Variants in PLXNA4 observed in about 807,000 individuals in gnomAD.
The protein encoded by PLXNA4 is plexin-A4.
In PLXNA4, 44 loss-of-function variants were observed where a neutral mutation model predicts 191.8. The ratio of observed to expected loss-of-function variants is 0.23; its 90% CI spans 0.18 to 0.29. PLXNA4 has a LOEUF of 0.29. Ranked by LOEUF, PLXNA4 falls within the 10% of genes least tolerant of loss-of-function variation. The probability of loss-of-function intolerance (pLI) is 1.00; values close to 1 mark genes in which losing one functional copy is unlikely to be tolerated. For synonymous variants in PLXNA4, 1,082 were observed against 1,009.5 expected (o/e 1.07, Z -1.36); for missense variants, 1,800 against 2,488.8 (o/e 0.72, Z 5.89).
intron 3 of PLXNA4, among the ~76,000 whole-genome samples, chr7:132,302,702 A>G (rs1166009292): frequency 6.6e-6 from 1 of 151,696 alleles, no homozygotes; most frequent in East Asian, 1.9e-4. Flanking sequence ...TAGGAACACA[A>G]TCCAGATGCC....
chr7:132,164,931 T>C (rs182858661), intron 23 of PLXNA4, among the ~76,000 whole-genome samples: 19 of 152,320 alleles, frequency 1.2e-4, no homozygotes, highest in African/African-American at 4.3e-4. Context: ...AAACTAGCCT[T>C]GGGAAGACTG....
At chr7:132,321,702 T>C (rs887616410) in intron 3 of PLXNA4, among the ~76,000 whole-genome samples, 9 of 152,122 alleles carry the variant, frequency 5.9e-5, no homozygotes, top group African/African-American at 2.2e-4. Context: ...TAGAGTCTGG[T>C]GAACATTCAA....
intron 3 of PLXNA4, among the ~76,000 whole-genome samples, chr7:132,457,257 C>A (rs1419589167): frequency 1.3e-5 from 2 of 152,188 alleles, no homozygotes; most frequent in Non-Finnish European, 2.9e-5. Context: ...CACTAATGTC[C>A]TTTTGCTGTT....
At chr7:132,528,609 T>C (rs1799503483) in intron 1 of PLXNA4, among the ~76,000 whole-genome samples, 1 of 152,184 alleles carries the variant, frequency 6.6e-6, no homozygotes, top group African/African-American at 2.4e-5. Context: ...TTCAGGAATA[T>C]AATTTTTTTG....
intron 3 of PLXNA4, chr7:132,383,756 A>G: frequency 3.0e-6 from 3 of 984,842 alleles, no homozygotes; most frequent in Non-Finnish European, 3.6e-6. Context: ...AACAAATTAG[A>G]ATTGATTCTT....
intron 3 of PLXNA4, among the ~76,000 whole-genome samples, chr7:132,423,773 CT>C (rs1250538183): frequency 6.6e-6 from 1 of 152,162 alleles, no homozygotes; most frequent in Non-Finnish European, 1.5e-5. Context: ...CCTCCCTCCC[CT>C]TCTCTCTCCT....
At chr7:132,231,491 C>T (rs916092493) in intron 5 of PLXNA4, among the ~76,000 whole-genome samples, 2 of 152,202 alleles carry the variant, frequency 1.3e-5, no homozygotes, top group African/African-American at 4.8e-5. Flanking sequence ...GTGGCGTAAT[C>T]TCAGCTCTCT....
intron 3 of PLXNA4, among the ~76,000 whole-genome samples, chr7:132,304,588 C>T (rs1255945661): frequency 6.6e-6 from 1 of 152,184 alleles, no homozygotes; most frequent in African/African-American, 2.4e-5. Flanking sequence ...TACAGCACAG[C>T]TCAGTTTGGA....
intron 5 of PLXNA4, among the ~76,000 whole-genome samples, chr7:132,234,477 T>C (rs1256082168): frequency 2.0e-5 from 3 of 152,124 alleles, no homozygotes; most frequent in Non-Finnish European, 4.4e-5. Flanking sequence ...TGTCCACAGG[T>C]ATCCAAGTCA....
chr7:132,508,873 C>A lies in PLXNA4; in HGVS notation c.-86-94G>T. The A allele has an allele frequency of 8.0e-7, 1 of 1,254,090 alleles. No individual in the cohort carries two copies. Among genetic ancestry groups the A allele is most frequent in the Non-Finnish European group, 1.1e-6 (1 of 938,292 alleles). The allele number at this position is 1,254,090 out of a possible 1,614,324, so 77.7% of individuals were successfully genotyped here. A position where few individuals can be genotyped will look rare whatever the true frequency, so the allele number is the denominator to read the frequency against. ...GCCTGGACTTTCAAAATGTTCTGCA[C>A]ACACTGAGCAGAACTGCACTGGGGG... On this transcript the variant is annotated intron_variant, in intron 1 of 31. Coordinates refer to ENST00000321063, the MANE Select transcript of PLXNA4 (RefSeq NM_020911.2). This position sits in a 1 kb window ranked among gnomAD's most constrained non-coding sequence, Gnocchi z 4.4.
chr7:132,431,758 T>C (rs1434493605), intron 3 of PLXNA4, among the ~76,000 whole-genome samples: 2 of 152,188 alleles, frequency 1.3e-5, no homozygotes, highest in African/African-American at 4.8e-5. Flanking sequence ...GGTCTTGGCC[T>C]CAGCGCTCCC....
chr7:132,266,774 G>A (rs1410834942), intron 4 of PLXNA4, among the ~76,000 whole-genome samples: 1 of 152,156 alleles, frequency 6.6e-6, no homozygotes, highest in Non-Finnish European at 1.5e-5. Flanking sequence ...TCCATCCAAG[G>A]GTGCCTTAGA....
At chr7:132,234,968 A>G (rs1161098775) in intron 5 of PLXNA4, among the ~76,000 whole-genome samples, 1 of 152,220 alleles carries the variant, frequency 6.6e-6, no homozygotes, top group Non-Finnish European at 1.5e-5. Flanking sequence ...AAAATGAGAT[A>G]GCAAGGCTGT....
At chr7:132,182,295 G>A in intron 16 of PLXNA4, 105 bp from the exon 17 acceptor site, 1 of 1,508,862 alleles carries the variant, frequency 6.6e-7, no homozygotes, top group African/African-American at 1.4e-5. Context: ...TGATAACTAG[G>A]CAGCAGGGTA....
At chr7:132,239,798 G>T (rs1364513) in intron 5 of PLXNA4, among the ~76,000 whole-genome samples, 30,409 of 152,198 alleles carry the variant, frequency 0.2, 3,224 homozygotes, top group Middle Eastern at 0.24. Context: ...TGTGAGTTAT[G>T]TATGTTTCAG....
intron 9 of PLXNA4, among the ~76,000 whole-genome samples, chr7:132,216,265 C>A (rs1001053554): frequency 2.0e-5 from 3 of 152,214 alleles, no homozygotes; most frequent in Non-Finnish European, 4.4e-5. Flanking sequence ...AGTCCCAGTT[C>A]TATCCACTAT....
At chr7:132,630,002 AC>A (rs1473401884) in intron 2 of PLXNA4, among the ~76,000 whole-genome samples, 1 of 152,086 alleles carries the variant, frequency 6.6e-6, no homozygotes, top group East Asian at 1.9e-4. Context: ...GGTGCCCACC[AC>A]CACGCCTGGC....
chr7:132,330,523 T>G (rs1007823395), intron 3 of PLXNA4, among the ~76,000 whole-genome samples: 1 of 152,238 alleles, frequency 6.6e-6, no homozygotes, highest in African/African-American at 2.4e-5. Flanking sequence ...TCCTGAGTAC[T>G]TCTTTACCGC....
intron 3 of PLXNA4, among the ~76,000 whole-genome samples, chr7:132,331,498 A>G (rs1802589035): frequency 6.6e-6 from 1 of 152,196 alleles, no homozygotes; most frequent in Non-Finnish European, 1.5e-5. Context: ...AGTCTTGCCC[A>G]TGTCACTCCC....
Sources: gnomAD v4.1 joint callset for allele counts (sites outside exome capture counted in the v4.1 genomes callset) on GRCh38, gnomAD v4.1.1 for gene constraint, Gnocchi (gnomAD v3.1) non-coding constraint, MANE v1.5 for transcripts, NCBI Gene and HGNC (gene_info 2026-07-23, HGNC 2026-07-21) for gene names.